SGPP2: variants seen among roughly 807,000 people sequenced by gnomAD.
SGPP2 encodes sphingosine 1-phosphate phosphohydrolase 2.
SGPP2 carries 30 observed loss-of-function variants against 33.9 expected under a neutral mutation model. The ratio of observed to expected loss-of-function variants is 0.89; its 90% confidence interval spans 0.66 to 1.20. The LOEUF (loss-of-function observed/expected upper bound fraction) is 1.20. Ranked by LOEUF, SGPP2 falls within the 50% of genes most tolerant of loss-of-function variation. The pLI is 0.00. For missense variants in SGPP2, 458 were observed against 532.1 expected, an observed-to-expected ratio of 0.86 and a Z score of 1.37; for synonymous variants, 233 against 225.0, an observed-to-expected ratio of 1.04 and a Z score of -0.32.
chr2:222,517,286 T>C lies in SGPP2; in HGVS notation c.379-4481T>C, dbSNP rs1295147398. On this transcript the variant is annotated intron_variant, in intron 2 of 4. Transcript: ENST00000321276. ...ATCCTGTACCCATATAAACCCCAAA[T>C]CCCAGACTCCACAGGCAGAAAAACA... Among the ~76,000 whole-genome samples, 3 of 151,550 alleles carry C rather than the reference T, an allele frequency of 2.0e-5. No homozygotes were observed. In the East Asian group the frequency reaches 5.8e-4, roughly 29 times the overall value.
At chr2:222,530,522 C>A (rs1176912847) in intron 4 of SGPP2, among the ~76,000 whole-genome samples, 2 of 152,190 alleles carry the variant, frequency 1.3e-5, no homozygotes, top group African/African-American at 4.8e-5. Context: ...TTTCCTTAAA[C>A]CTCATGAACC....
Position 222,558,324 on chromosome 2 carries a change from G to A in SGPP2, c.649-23G>A, listed in dbSNP as rs568303259. ...AAGGAAACACTCATTGGTTCACACT[G>A]TTCTTTTCTCTCCTTCCCAAAGGAT... On this transcript the variant is annotated intron_variant, in intron 4 of 4. Transcript: ENST00000321276. 20 of 1,611,580 alleles carry A rather than the reference G, an allele frequency of 1.2e-5. No individual in the cohort carries two copies. In the South Asian group the frequency reaches 2.2e-4, roughly 18 times the overall value.
At chr2:222,535,054 C>T (rs1341918137) in intron 4 of SGPP2, among the ~76,000 whole-genome samples, 5 of 152,126 alleles carry the variant, frequency 3.3e-5, no homozygotes, top group South Asian at 2.1e-4. Context: ...TCTTTCCCAA[C>T]GCTGTTCAAA....
chr2:222,525,136 T>A, intron 4 of SGPP2, 103 bp downstream of exon 4: 1 of 762,716 alleles, frequency 1.3e-6, no homozygotes, highest in Non-Finnish European at 2.1e-6. Context: ...TATTTGCATA[T>A]GTAATTATAT....
intron 4 of SGPP2, among the ~76,000 whole-genome samples, chr2:222,541,109 G>A (rs371496873): frequency 8.0e-4 from 121 of 152,136 alleles, no homozygotes; most frequent in African/African-American, 2.5e-3. Flanking sequence ...GAGCCACCAC[G>A]TCCGGCCAGC....
intron 4 of SGPP2, among the ~76,000 whole-genome samples, chr2:222,537,792 G>A (rs76080579): frequency 0.028 from 4,243 of 152,252 alleles, 158 homozygotes; most frequent in African/African-American, 0.082. Flanking sequence ...ATGATCTAAC[G>A]TACAACAGTA....
intron 2 of SGPP2, 130 bp from the exon 3 acceptor site, chr2:222,521,637 C>G: frequency 1.1e-6 from 1 of 938,588 alleles, no homozygotes; most frequent in Non-Finnish European, 1.6e-6. Context: ...ACTTTGCCAA[C>G]AAGTAGCTGG....
intron 1 of SGPP2, among the ~76,000 whole-genome samples, chr2:222,427,645 A>G (rs1325269285): frequency 6.6e-6 from 1 of 152,180 alleles, no homozygotes; most frequent in Non-Finnish European, 1.5e-5. Flanking sequence ...CGCATAGCCT[A>G]GAAGGTAGCA....
At chr2:222,514,502 A>G (rs903036933) in intron 2 of SGPP2, among the ~76,000 whole-genome samples, 1 of 152,172 alleles carries the variant, frequency 6.6e-6, no homozygotes, top group Non-Finnish European at 1.5e-5. Flanking sequence ...ACACCTGGCT[A>G]GTTCTTGATA....
intron 2 of SGPP2, among the ~76,000 whole-genome samples, chr2:222,488,567 A>G (rs978503281): frequency 6.6e-6 from 1 of 152,204 alleles, no homozygotes; most frequent in African/African-American, 2.4e-5. Context: ...TAGGCTGGGA[A>G]CTGCTGCTTG....
intron 2 of SGPP2, chr2:222,504,273 T>A (rs1289507490): frequency 6.6e-6 from 1 of 152,292 alleles, no homozygotes; most frequent in East Asian, 1.9e-4. Flanking sequence ...ACCACTGACA[T>A]GACACTACAG....
intron 2 of SGPP2, among the ~76,000 whole-genome samples, chr2:222,498,658 C>G (rs138754914): frequency 1.5e-4 from 23 of 152,114 alleles, no homozygotes; most frequent in African/African-American, 4.6e-4. Flanking sequence ...AAAGGCAGAG[C>G]ATCCACTCAG....
chr2:222,463,765 G>A (rs1198925342), intron 1 of SGPP2, among the ~76,000 whole-genome samples: 2 of 152,166 alleles, frequency 1.3e-5, no homozygotes, highest in Non-Finnish European at 2.9e-5. Context: ...GTGTTTGTAT[G>A]ATTTACCTAT....
chr2:222,495,830 C>G (rs1408491279), intron 2 of SGPP2, among the ~76,000 whole-genome samples: 1 of 152,198 alleles, frequency 6.6e-6, no homozygotes, highest in South Asian at 2.1e-4. Flanking sequence ...TGACCAAACT[C>G]TAATTAAGTT....
intron 1 of SGPP2, among the ~76,000 whole-genome samples, chr2:222,441,561 CAAAAG>C: frequency 6.6e-6 from 1 of 152,148 alleles, no homozygotes; most frequent in Middle Eastern, 3.4e-3. Flanking sequence ...TATATTTTTT[CAAAAG>C]GATCTGGAGT....
intron 4 of SGPP2, among the ~76,000 whole-genome samples, chr2:222,549,243 C>A (rs1026554667): frequency 1.3e-5 from 2 of 152,246 alleles, no homozygotes; most frequent in African/African-American, 4.8e-5. Context: ...GGTTTGTTCT[C>A]TCCCTTTCTT....
chr2:222,511,769 C>T (rs1470614062), intron 2 of SGPP2, among the ~76,000 whole-genome samples: 2 of 152,278 alleles, frequency 1.3e-5, no homozygotes, highest in Middle Eastern at 3.4e-3. Flanking sequence ...TCTTGACCTC[C>T]GAGGCTCAGG....
rs950228640 is a variant in SGPP2, at chr2:222,449,120, C to T, written c.219+24299C>T. Among the ~76,000 whole-genome samples the T allele has an allele frequency of 2.0e-5, 3 of 152,324 alleles. No homozygotes were observed. In the South Asian group the frequency reaches 6.2e-4, roughly 32 times the overall value. On this transcript the variant is annotated intron_variant, in intron 1 of 4. Transcript: ENST00000321276. ...CATGTTCTTGTTTGCGAGATGACTA[C>T]AGATGCTGCCTTCCCACTGTGCGTT...
intron 1 of SGPP2, among the ~76,000 whole-genome samples, chr2:222,468,154 T>G (rs141242900): frequency 6.6e-6 from 1 of 152,044 alleles, no homozygotes; most frequent in South Asian, 2.1e-4. Context: ...GATTTTCAGA[T>G]TGATTACTGA....
Sources: gnomAD v4.1 joint callset for allele counts (sites outside exome capture counted in the v4.1 genomes callset) on GRCh38, gnomAD v4.1.1 for gene constraint, MANE v1.5 for transcripts, NCBI Gene and HGNC (gene_info 2026-07-23, HGNC 2026-07-21) for gene names.